Variants in APLF observed in about 807,000 individuals in gnomAD.
APLF encodes aprataxin and PNK-like factor.
Under a neutral mutation model 55.6 loss-of-function variants are expected in APLF, and 61 were observed. The observed-to-expected ratio is 1.10, with a 90% CI of 0.89 to 1.36. APLF has a LOEUF of 1.36. Ranked by LOEUF, APLF falls within the 40% of genes most tolerant of loss-of-function variation. The pLI is 0.00. For missense variants in APLF, 611 were observed against 602.5 expected (o/e 1.01, Z -0.15); for synonymous variants, 207 against 214.8 (o/e 0.96, Z 0.32).
intron 2 of APLF, among the ~76,000 whole-genome samples, chr2:68,494,077 T>C (rs1676459103): frequency 6.8e-6 from 1 of 147,228 alleles, no homozygotes; most frequent in African/African-American, 2.5e-5. Flanking sequence ...CACTGCACTC[T>C]AGCCTGGGTG....
intron 8 of APLF, 134 bp downstream of exon 8, chr2:68,545,446 C>T (rs564194855): frequency 1.6e-5 from 18 of 1,141,222 alleles, no homozygotes; most frequent in Middle Eastern, 2.3e-4. Context: ...TACAGGTTTT[C>T]ATGTTGGTAA....
At chr2:68,542,808 G>T (rs1670593571) in intron 7 of APLF, among the ~76,000 whole-genome samples, 1 of 152,054 alleles carries the variant, frequency 6.6e-6, no homozygotes, top group Admixed American at 6.6e-5. Context: ...CCACTTCTGG[G>T]TATATATCCA....
chr2:68,525,742 C>CTTTTTTTTTTTTTT lies in APLF; in HGVS notation c.623-307_623-294dup, dbSNP rs386390398. On this transcript the variant is annotated intron_variant, in intron 5 of 9. Transcript: ENST00000303795. The stretch of plus-strand genomic sequence containing the variant: ...TTTATCCTTTTTATTTTCTTTCTTT[C>CTTTTTTTTTTTTTT]TTTTTTTTTTTTTTTTTTTTTTTTT... 8.5e-4 allele frequency among the ~76,000 whole-genome samples: 70 copies of CTTTTTTTTTTTTTT among 82,030 alleles called. 6 individuals are homozygous for CTTTTTTTTTTTTTT. Among genetic ancestry groups the CTTTTTTTTTTTTTT allele is most frequent in the African/African-American group, 3.8e-3 (61 of 16,184 alleles). 53.8% of individuals were successfully genotyped at this position (82,030 alleles called of 152,430 possible).
chr2:68,559,343 A>G (rs184056199), intron 8 of APLF, among the ~76,000 whole-genome samples: 77 of 152,204 alleles, frequency 5.1e-4, no homozygotes, highest in Non-Finnish European at 5.7e-4. Flanking sequence ...TTGCAGAGCC[A>G]CGGGGCTCAG....
intron 2 of APLF, among the ~76,000 whole-genome samples, chr2:68,499,916 T>C (rs1366461204): frequency 1.4e-4 from 22 of 152,196 alleles, no homozygotes. Flanking sequence ...AAAATCTATT[T>C]GGTGTTATTA....
rs369440361 is a variant in APLF at position 68,517,612 on chromosome 2, CTAA to C, written c.622+3934_622+3936del. On this transcript the variant is annotated intron_variant, in intron 5 of 9. Coordinates refer to ENST00000303795, the MANE Select transcript of APLF (RefSeq NM_173545.3). Reference sequence around the variant, plus strand: ...GTAATTAACATGTAACAGTATATCACTAATGTTATTAACATGTAACAATATATC... The same window carrying C: ...GTAATTAACATGTAACAGTATATCACTGTTATTAACATGTAACAATATATC... 6.5e-3 allele frequency among the ~76,000 whole-genome samples: 923 copies of C among 142,274 alleles called. 6 individuals are homozygous for C. The highest frequency in any genetic ancestry group is 0.023 in the African/African-American group (882 of 39,178). 93.3% of individuals were successfully genotyped at this position (142,274 alleles called of 152,430 possible).
Position 68,478,854 on chromosome 2 carries a change from T to C in APLF, c.96+11027T>C, listed in dbSNP as rs139253634. On this transcript the variant is annotated intron_variant, in intron 1 of 9. Transcript: ENST00000303795. ...GGGTTTATGATTAGTACTGCCCTTA[T>C]CTACAAAGGTGCTAACCCCTGAGAC... is the stretch of plus-strand genomic sequence containing the variant. Among the ~76,000 whole-genome samples the C allele has an allele frequency of 1.1e-4, 16 of 152,348 alleles. No homozygotes were observed. In the South Asian group the frequency reaches 2.9e-3, roughly 28 times the overall value.
intron 2 of APLF, among the ~76,000 whole-genome samples, chr2:68,500,645 T>A (rs1420943445): frequency 1.7e-4 from 26 of 152,208 alleles, no homozygotes; most frequent in Non-Finnish European, 3.7e-4. Context: ...TAGCCTATAA[T>A]CAGAAGCAAG....
intron 8 of APLF, among the ~76,000 whole-genome samples, chr2:68,551,684 T>C (rs144116342): frequency 0.024 from 3,692 of 151,368 alleles, 61 homozygotes; most frequent in Middle Eastern, 0.041. Flanking sequence ...TTCTACTCTT[T>C]TTTAAAAAAC....
At chr2:68,520,138 G>A (rs536648898) in intron 5 of APLF, among the ~76,000 whole-genome samples, 5 of 151,746 alleles carry the variant, frequency 3.3e-5, no homozygotes, top group African/African-American at 7.2e-5. Flanking sequence ...GTTTATTCAT[G>A]TCCTTAGCCC....
Position 68,473,829 on chromosome 2 carries a change from C to T in APLF, c.96+6002C>T, listed in dbSNP as rs975531152. ...TTATTTCTCCCTACCAACAAGCAAG[C>T]GGTCACTTTTACAGCAGACATCAAC... On this transcript the variant is annotated intron_variant, in intron 1 of 9. Coordinates refer to ENST00000303795, the MANE Select transcript of APLF (RefSeq NM_173545.3). 3.3e-5 allele frequency among the ~76,000 whole-genome samples: 5 copies of T among 152,254 alleles called. No homozygotes were observed. In the East Asian group the frequency reaches 5.8e-4, roughly 18 times the overall value.
chr2:68,564,593 T>C (rs1231943640), intron 8 of APLF, among the ~76,000 whole-genome samples: 1 of 152,092 alleles, frequency 6.6e-6, no homozygotes, highest in Non-Finnish European at 1.5e-5. Flanking sequence ...TAAAGACTTA[T>C]TTTGCATTAT....
intron 6 of APLF, among the ~76,000 whole-genome samples, chr2:68,530,274 A>G (rs1415634260): frequency 0.021 from 2,652 of 126,526 alleles, no homozygotes; most frequent in African/African-American, 0.078. Context: ...ACTTAGCACC[A>G]TGGCATATCT....
intron 5 of APLF, among the ~76,000 whole-genome samples, chr2:68,525,353 A>G (rs2103980729): frequency 6.6e-6 from 1 of 152,302 alleles, no homozygotes; most frequent in African/African-American, 2.4e-5. Flanking sequence ...GTTAGGGTTT[A>G]ATAAGTAGTA....
chr2:68,517,242 CATTACTATATAATATATTAATA>C (rs1669625776), intron 5 of APLF, among the ~76,000 whole-genome samples: 1 of 93,402 alleles, frequency 1.1e-5, no homozygotes, highest in African/African-American at 5.1e-5. Context: ...TAATATATGT[CATTACTATATAATATATTAATA>C]TATGTCATTA....
chr2:68,524,762 A>G (rs1314814906), intron 5 of APLF, among the ~76,000 whole-genome samples: 3 of 152,260 alleles, frequency 2.0e-5, no homozygotes, highest in African/African-American at 7.2e-5. Context: ...TGCTAGGCAC[A>G]GTTGAAGGTA....
At chr2:68,562,132 G>A (rs1032088140) in intron 8 of APLF, among the ~76,000 whole-genome samples, 5 of 151,930 alleles carry the variant, frequency 3.3e-5, no homozygotes, top group African/African-American at 7.2e-5. Flanking sequence ...AGTGAAATAT[G>A]CCAGGCACAG....
chr2:68,573,750 T>C (rs1437579050), intron 9 of APLF, among the ~76,000 whole-genome samples: 1 of 151,938 alleles, frequency 6.6e-6, no homozygotes, highest in Non-Finnish European at 1.5e-5. Flanking sequence ...ATAACACAGA[T>C]AGTTGGACTT....
intron 8 of APLF, among the ~76,000 whole-genome samples, chr2:68,553,377 A>C (rs1413756455): frequency 1.3e-5 from 2 of 152,132 alleles, no homozygotes; most frequent in African/African-American, 4.8e-5. Flanking sequence ...TCATTGCTGA[A>C]ACTAAACCAA....
Sources: allele counts gnomAD v4.1 joint callset (sites outside exome capture counted in the v4.1 genomes callset), GRCh38; gene constraint gnomAD v4.1.1; transcripts MANE v1.5; gene names NCBI Gene and HGNC (gene_info 2026-07-23, HGNC 2026-07-21).